Variants in REDIC1 observed in about 807,000 individuals in gnomAD.
REDIC1 encodes the protein regulator of DNA class I crossover intermediates 1, also known as HEI10 Interacting Protein 1.
the REDIC1 span, among the ~76,000 whole-genome samples, chr12:39,665,648 A>G: frequency 0.022 from 3,222 of 149,762 alleles, 44 homozygotes; most frequent in Non-Finnish European, 0.03. Flanking sequence ...CATTGAATCT[A>G]TAAATTACCT....
chr12:39,713,015 GTGTATATACGTGTATATGTATATATA>G, the REDIC1 span, among the ~76,000 whole-genome samples: 1 of 137,174 alleles, frequency 7.3e-6, no homozygotes, highest in Non-Finnish European at 1.6e-5. Context: ...ATATATACAT[GTGTATATACGTGTATATGTATATATA>G]CATGTGTATA....
At chr12:39,776,754 T>C in the REDIC1 span, among the ~76,000 whole-genome samples, 1 of 152,188 alleles carries the variant, frequency 6.6e-6, no homozygotes, top group East Asian at 1.9e-4. Flanking sequence ...TTTTTAACTT[T>C]CCTATGCACC....
At chr12:39,835,832 T>G in the REDIC1 span, 2 of 152,080 alleles carry the variant, frequency 1.3e-5, no homozygotes, top group African/African-American at 4.8e-5. Flanking sequence ...GAAAATAATT[T>G]TAGGGGGTAG....
the REDIC1 span, among the ~76,000 whole-genome samples, chr12:39,790,285 A>G: frequency 6.6e-6 from 1 of 150,946 alleles, no homozygotes; most frequent in Admixed American, 6.6e-5. Context: ...TTAGTTACAT[A>G]TGTATACATG....
chr12:39,881,560 A>G, the REDIC1 span, among the ~76,000 whole-genome samples: 2 of 152,122 alleles, frequency 1.3e-5, no homozygotes, highest in Non-Finnish European at 2.9e-5. Context: ...CAGATCACCT[A>G]TTTATACCTG....
the REDIC1 span, among the ~76,000 whole-genome samples, chr12:39,784,838 A>G: frequency 1.3e-5 from 2 of 152,210 alleles, no homozygotes; most frequent in East Asian, 3.9e-4. Flanking sequence ...TGTTTTAGCA[A>G]GAGACTGGCA....
the REDIC1 span, among the ~76,000 whole-genome samples, chr12:39,690,826 A>T: frequency 6.6e-6 from 1 of 152,136 alleles, no homozygotes; most frequent in South Asian, 2.1e-4. Context: ...ATCCTGGAGG[A>T]TGGAGGACAT....
At chr12:39,859,600 G>A in the REDIC1 span, among the ~76,000 whole-genome samples, 1 of 152,132 alleles carries the variant, frequency 6.6e-6, no homozygotes, top group Non-Finnish European at 1.5e-5. Flanking sequence ...TCAGCTCACT[G>A]CAACCTCTAC....
the REDIC1 span, among the ~76,000 whole-genome samples, chr12:39,899,512 C>T: frequency 3.3e-5 from 5 of 151,986 alleles, no homozygotes; most frequent in Non-Finnish European, 4.4e-5. Flanking sequence ...TTATTTCTTG[C>T]CCTCTGCTAG....
chr12:39,670,482 C>T, the REDIC1 span, among the ~76,000 whole-genome samples: 8 of 152,198 alleles, frequency 5.3e-5, no homozygotes, highest in East Asian at 1.9e-4. Context: ...TGAACCACTG[C>T]GCCTGACCTG....
the REDIC1 span, among the ~76,000 whole-genome samples, chr12:39,776,600 G>A: frequency 6.6e-6 from 1 of 152,250 alleles, no homozygotes; most frequent in Non-Finnish European, 1.5e-5. Flanking sequence ...TAGAAGCCAT[G>A]AGGTAAAGAA....
the REDIC1 span, among the ~76,000 whole-genome samples, chr12:39,687,075 C>T: frequency 6.6e-6 from 1 of 152,150 alleles, no homozygotes; most frequent in Non-Finnish European, 1.5e-5. Flanking sequence ...ATATCACTAC[C>T]AGCATTTTCA....
chr12:39,837,326 T>C, the REDIC1 span, among the ~76,000 whole-genome samples: 9 of 145,118 alleles, frequency 6.2e-5, no homozygotes, highest in African/African-American at 7.6e-5. Context: ...TTACACCTTA[T>C]ACAAAAATCA....
At chr12:39,645,645 G>A in the REDIC1 span, among the ~76,000 whole-genome samples, 1 of 151,994 alleles carries the variant, frequency 6.6e-6, no homozygotes, top group Non-Finnish European at 1.5e-5. Flanking sequence ...TTGTGCTACT[G>A]GTACCAATCT....
At chr12:39,853,016 T>C in the REDIC1 span, among the ~76,000 whole-genome samples, 1 of 151,988 alleles carries the variant, frequency 6.6e-6, no homozygotes, top group Non-Finnish European at 1.5e-5. Flanking sequence ...TTCTGTGGAG[T>C]TTACTTTTGT....
At chr12:39,700,336 A>G in the REDIC1 span, among the ~76,000 whole-genome samples, 1 of 152,206 alleles carries the variant, frequency 6.6e-6, no homozygotes, top group Non-Finnish European at 1.5e-5. Flanking sequence ...AAGAAAGGGT[A>G]TCAGCGATGG....
At chr12:39,866,539 C>T in the REDIC1 span, among the ~76,000 whole-genome samples, 19 of 151,780 alleles carry the variant, frequency 1.3e-4, no homozygotes, top group Admixed American at 2.0e-4. Context: ...AGTGCAGTGG[C>T]GCGATCTCGG....
At chr12:39,669,502 G>C in the REDIC1 span, among the ~76,000 whole-genome samples, 1 of 152,184 alleles carries the variant, frequency 6.6e-6, no homozygotes, top group Non-Finnish European at 1.5e-5. Flanking sequence ...CGGGCGTCAG[G>C]GACCCACTTG....
At chr12:39,750,092 A>G in the REDIC1 span, among the ~76,000 whole-genome samples, 1 of 152,238 alleles carries the variant, frequency 6.6e-6, no homozygotes, top group Non-Finnish European at 1.5e-5. Context: ...AGAAAGAAAT[A>G]AAGTGTATTC....
Sources: allele counts gnomAD v4.1 joint callset (sites outside exome capture counted in the v4.1 genomes callset), GRCh38; gene constraint gnomAD v4.1.1; transcripts MANE v1.5; gene names NCBI Gene and HGNC (gene_info 2026-07-23, HGNC 2026-07-21).